The following SOBP variants were observed in gnomAD, a reference collection of about 807,000 sequenced individuals.
SOBP encodes the protein sine oculis binding protein homolog, also known as sine oculis-binding protein homolog.
Under a neutral mutation model 53.6 loss-of-function variants are expected in SOBP, and 4 were observed. That is an observed-to-expected ratio of 0.07 (90% CI 0.04 to 0.17). The LOEUF (loss-of-function observed/expected upper bound fraction) is 0.17, where lower values mean the gene tolerates loss of function less well. SOBP is among the 10% of genes least tolerant of loss of function. SOBP has a pLI of 1.00. For missense variants in SOBP, 1,088 were observed against 1,204.7 expected (o/e 0.90, Z 1.43); for synonymous variants, 584 against 522.6 (o/e 1.12, Z -1.60).
intron 5 of SOBP, among the ~76,000 whole-genome samples, chr6:107,618,891 A>G (rs1414754774): frequency 6.6e-6 from 1 of 152,166 alleles, no homozygotes; most frequent in Admixed American, 6.5e-5. Flanking sequence ...GAGGACAGAA[A>G]TTGAGTTTGT....
chr6:107,658,026 C>A (rs1475583933), intron 6 of SOBP, among the ~76,000 whole-genome samples, 181 bp from the exon 7 acceptor site: 1 of 152,046 alleles, frequency 6.6e-6, no homozygotes, highest in African/African-American at 2.4e-5. Context: ...CTGAGCAGAC[C>A]GTGAATGAAA....
intron 3 of SOBP, among the ~76,000 whole-genome samples, chr6:107,527,194 G>A (rs1257577202): frequency 6.6e-6 from 1 of 152,148 alleles, no homozygotes; most frequent in African/African-American, 2.4e-5. Flanking sequence ...CCACCCATGT[G>A]TGGATAGTTA....
intron 5 of SOBP, among the ~76,000 whole-genome samples, chr6:107,628,947 A>G (rs1270132271): frequency 6.6e-6 from 1 of 152,120 alleles, no homozygotes; most frequent in African/African-American, 2.4e-5. Context: ...CCTTCAAAAC[A>G]CTGAGCACCC....
At chr6:107,497,583 C>T (rs1782733939) in intron 1 of SOBP, among the ~76,000 whole-genome samples, 1 of 151,872 alleles carries the variant, frequency 6.6e-6, no homozygotes, top group Admixed American at 6.6e-5. Flanking sequence ...TCTTTTCATG[C>T]CCTTTCTCTA....
At chr6:107,532,280 A>AC in intron 3 of SOBP, among the ~76,000 whole-genome samples, 1 of 150,356 alleles carries the variant, frequency 6.7e-6, no homozygotes, top group African/African-American at 2.4e-5. Context: ...CACCACACAC[A>AC]CACACACACA....
intron 4 of SOBP, among the ~76,000 whole-genome samples, chr6:107,554,715 A>G (rs918513055): frequency 7.9e-5 from 12 of 152,192 alleles, no homozygotes; most frequent in East Asian, 1.9e-4. Flanking sequence ...GAAAAGCAAC[A>G]TTGCCCTCTA....
intron 6 of SOBP, chr6:107,636,250 A>T (rs1400690400): frequency 6.4e-6 from 1 of 155,688 alleles, no homozygotes; most frequent in Non-Finnish European, 1.4e-5. Context: ...GATAGGGAAG[A>T]GGGTGGCATT....
chr6:107,640,741 A>G lies in SOBP; in HGVS notation c.*3+5272A>G, dbSNP rs189809241. On this transcript the variant is annotated intron_variant, in intron 6 of 6. Coordinates refer to ENST00000317357, the MANE Select transcript of SOBP (RefSeq NM_018013.4). ...GTCAATCAGGTTATGATGGAATATG[A>G]AATGACATCTGTGACTGGATATTTA... Among the ~76,000 whole-genome samples the G allele has an allele frequency of 2.6e-5, 4 of 152,342 alleles. No homozygotes were observed. In the East Asian group the frequency reaches 7.7e-4, roughly 29 times the overall value.
At chr6:107,600,856 A>G (rs770163252) in intron 5 of SOBP, among the ~76,000 whole-genome samples, 1 of 152,216 alleles carries the variant, frequency 6.6e-6, no homozygotes, top group Non-Finnish European at 1.5e-5. Flanking sequence ...AGGGCACAAA[A>G]TCATTTTGGA....
intron 4 of SOBP, among the ~76,000 whole-genome samples, chr6:107,550,705 G>GA (rs1164687865): frequency 1.3e-5 from 2 of 152,094 alleles, no homozygotes; most frequent in Non-Finnish European, 2.9e-5. Context: ...ATAGATTCAG[G>GA]AAATGGGATG....
intron 3 of SOBP, among the ~76,000 whole-genome samples, chr6:107,525,448 A>G (rs1329958975): frequency 1.3e-5 from 2 of 152,220 alleles, no homozygotes; most frequent in Non-Finnish European, 2.9e-5. Flanking sequence ...GTCCTTCTTC[A>G]TTGGAGTACG....
chr6:107,656,787 A>G (rs1230646307), intron 6 of SOBP, among the ~76,000 whole-genome samples: 1 of 152,204 alleles, frequency 6.6e-6, no homozygotes, highest in African/African-American at 2.4e-5. Flanking sequence ...TTTCTTCACT[A>G]TAAAATGAGG....
intron 4 of SOBP, among the ~76,000 whole-genome samples, chr6:107,546,470 T>C (rs1329712254): frequency 1.3e-5 from 2 of 152,186 alleles, no homozygotes; most frequent in Non-Finnish European, 2.9e-5. Context: ...AGTGGAGAAG[T>C]CACTGGGGTG....
intron 4 of SOBP, among the ~76,000 whole-genome samples, chr6:107,547,124 C>G (rs1784322715): frequency 6.6e-6 from 1 of 152,150 alleles, no homozygotes; most frequent in South Asian, 2.1e-4. Flanking sequence ...GAGAATTACC[C>G]TCCGCCCAAA....
At chr6:107,625,706 G>T (rs1269654308) in intron 5 of SOBP, among the ~76,000 whole-genome samples, 2 of 152,200 alleles carry the variant, frequency 1.3e-5, no homozygotes, top group African/African-American at 4.8e-5. Context: ...TGGCGTGGGG[G>T]TTGGGGGGAC....
intron 4 of SOBP, among the ~76,000 whole-genome samples, chr6:107,549,859 G>A (rs1053306745): frequency 1.3e-5 from 2 of 152,266 alleles, no homozygotes; most frequent in African/African-American, 2.4e-5. Context: ...AAACAACCGT[G>A]ATAGTTAACC....
At chr6:107,621,332 C>A (rs538075842) in intron 5 of SOBP, among the ~76,000 whole-genome samples, 1 of 152,182 alleles carries the variant, frequency 6.6e-6, no homozygotes, top group African/African-American at 2.4e-5. Context: ...AGTGGAGAAT[C>A]CAGTATTTGT....
intron 3 of SOBP, among the ~76,000 whole-genome samples, chr6:107,526,164 T>A (rs777860084): frequency 1.3e-5 from 2 of 152,022 alleles, no homozygotes; most frequent in Non-Finnish European, 2.9e-5. Flanking sequence ...TGTTGGCCAG[T>A]CCGGTCTTGA....
chr6:107,573,637 C>T (rs1408675583), intron 4 of SOBP, among the ~76,000 whole-genome samples: 1 of 152,232 alleles, frequency 6.6e-6, no homozygotes, highest in Non-Finnish European at 1.5e-5. Context: ...GTACTAATGT[C>T]CTCAACTAAG....
Sources: allele counts gnomAD v4.1 joint callset (sites outside exome capture counted in the v4.1 genomes callset), GRCh38; gene constraint gnomAD v4.1.1; transcripts MANE v1.5; gene names NCBI Gene and HGNC (gene_info 2026-07-23, HGNC 2026-07-21).